PLAGL1: variants seen among roughly 807,000 people sequenced by gnomAD.
PLAGL1 encodes the protein PLAG1 like zinc finger 1, also known as zinc finger protein PLAGL1.
PLAGL1 carries 1 observed loss-of-function variant against 4.6 expected under a neutral mutation model. That is an observed-to-expected ratio of 0.22 (90% CI 0.08 to 1.03). PLAGL1 has a LOEUF of 1.03. Among genes scored for constraint, PLAGL1 ranks in the 50% least tolerant of loss-of-function variants. The pLI is 0.58. For synonymous variants in PLAGL1, 240 were observed against 237.8 expected (o/e 1.01, Z -0.08); for missense variants, 464 against 570.4 (o/e 0.81, Z 1.90).
intron 1 of PLAGL1, among the ~76,000 whole-genome samples, chr6:144,019,592 T>C (rs185086154): frequency 2.1e-3 from 318 of 152,262 alleles, no homozygotes; most frequent in Non-Finnish European, 2.0e-3. Context: ...CCTGTGGTTA[T>C]GTAGGAGAAT....
At chr6:144,031,414 A>G (rs1425854322) in intron 1 of PLAGL1, among the ~76,000 whole-genome samples, 1 of 152,154 alleles carries the variant, frequency 6.6e-6, no homozygotes, top group Non-Finnish European at 1.5e-5. Context: ...TTGGTCATGA[A>G]GTCTTTGTCT....
At position 144,053,268 on chromosome 6, in the gene PLAGL1, GGGA is replaced by G. The variant is rs1798711527; in HGVS notation, c.-151+11197_-151+11199del. Reference sequence around the variant, plus strand: ...TCCTGCCTCAGTCTCCTGAGTACCTGGGATTACAGGCATGCACCATCATGCCGA... The same window carrying G: ...TCCTGCCTCAGTCTCCTGAGTACCTGTTACAGGCATGCACCATCATGCCGA... On this transcript the variant is annotated intron_variant, in intron 1 of 3. Transcript: ENST00000437412. The surrounding 1 kb of genome is among the most constrained non-coding windows in gnomAD (Gnocchi z 4.0). 6.6e-6 allele frequency among the ~76,000 whole-genome samples: 1 copy of G among 152,144 alleles called. No individual in the cohort carries two copies. Among genetic ancestry groups the G allele is most frequent in the Non-Finnish European group, 1.5e-5 (1 of 68,026 alleles).
chr6:143,988,538 C>T (rs576102071), intron 1 of PLAGL1, among the ~76,000 whole-genome samples: 14 of 152,250 alleles, frequency 9.2e-5, no homozygotes, highest in South Asian at 6.2e-4. Flanking sequence ...CATTTATCTG[C>T]CAGGAAGATG....
At chr6:144,054,576 C>T (rs1948483902) in intron 1 of PLAGL1, among the ~76,000 whole-genome samples, 1 of 152,102 alleles carries the variant, frequency 6.6e-6, no homozygotes, top group African/African-American at 2.4e-5. Context: ...GAGAGGGCAA[C>T]AACACACACT....
intron 1 of PLAGL1, among the ~76,000 whole-genome samples, chr6:144,001,740 A>G (rs1347086149): frequency 6.6e-6 from 1 of 152,190 alleles, no homozygotes; most frequent in Non-Finnish European, 1.5e-5. Context: ...TGTGGCTATC[A>G]TATGCTGCCA....
Position 143,952,945 on chromosome 6 carries a change from C to T in PLAGL1, c.-324-4485G>A, listed in dbSNP as rs547374595. On this transcript the variant is annotated intron_variant, in intron 6 of 7. Coordinates refer to ENST00000674357, the MANE Select transcript of PLAGL1 (RefSeq NM_001317162.2). This position sits in a 1 kb window ranked among gnomAD's most constrained non-coding sequence, Gnocchi z 6.1. ...ATGTCATCAGGAGAAAGATGATATC[C>T]AGAACCTCCAGGTAGTCATGGCTGC... Among the ~76,000 whole-genome samples the T allele has an allele frequency of 4.4e-4, 67 of 152,300 alleles. No individual in the cohort carries two copies. The highest frequency in any genetic ancestry group is 3.4e-3 in the Middle Eastern group (1 of 294).
chr6:143,958,072 G>A lies in PLAGL1; in HGVS notation c.-325+2397C>T, dbSNP rs1782548988. 6.6e-6 allele frequency among the ~76,000 whole-genome samples: 1 copy of A among 152,196 alleles called. No homozygotes were observed. The highest frequency in any genetic ancestry group is 2.4e-5 in the African/African-American group (1 of 41,454). On this transcript the variant is annotated intron_variant, in intron 6 of 7. Coordinates refer to ENST00000674357, the MANE Select transcript of PLAGL1 (RefSeq NM_001317162.2). This position sits in a 1 kb window ranked among gnomAD's most constrained non-coding sequence, Gnocchi z 5.1. ...GTGGAACACGTGGTGCAGCCTGGCT[G>A]GGATGGGCAGGAGAGGGGCCTGTGT...
At position 143,942,751 on chromosome 6, in the gene PLAGL1, T is replaced by A. The variant is rs1457991125; in HGVS notation, c.153-88A>T. 4 of 919,988 alleles carry A rather than the reference T, an allele frequency of 4.3e-6. No homozygotes were observed. The allele number at this position is 919,988 out of a possible 1,614,324, so 57.0% of individuals were successfully genotyped here. A position where few individuals can be genotyped will look rare whatever the true frequency, so the allele number is the denominator to read the frequency against. ...CAACAATATTATATCAAAATGTTAA[T>A]AGTTTTCTCTGGGTCTTGGTATAAT... On this transcript the variant is annotated intron_variant, in intron 7 of 7. Transcript: ENST00000674357. The surrounding 1 kb of genome is among the most constrained non-coding windows in gnomAD (Gnocchi z 7.6).
chr6:144,059,071 C>A lies in PLAGL1; in HGVS notation c.-151+5397G>T, dbSNP rs1317303115. ...TAGAGTTTCTCTTCAGGGTCTCCAC[C>A]CCTACAGCAGGCTTCTGCCTGTACA... is the stretch of plus-strand genomic sequence containing the variant. On this transcript the variant is annotated intron_variant, in intron 1 of 3. Coordinates refer to the PLAGL1 transcript ENST00000437412. This position sits in a 1 kb window ranked among gnomAD's most constrained non-coding sequence, Gnocchi z 4.9. Among the ~76,000 whole-genome samples the A allele has an allele frequency of 6.6e-6, 1 of 152,152 alleles. No homozygotes were observed. The highest frequency in any genetic ancestry group is 1.5e-5 in the Non-Finnish European group (1 of 68,006).
In PLAGL1 at chr6:143,990,837, C is replaced by A. The variant is rs1256749910; in HGVS notation, c.-583-5663G>T. 1.3e-5 allele frequency among the ~76,000 whole-genome samples: 2 copies of A among 152,188 alleles called. No homozygotes were observed. Among genetic ancestry groups the A allele is most frequent in the Admixed American group, 1.3e-4 (2 of 15,278 alleles). ...CGCTGCATTATATATCAGACACATT[C>A]CTTAGAATATCTCATTGTTTTTCAT... is the stretch of plus-strand genomic sequence containing the variant. On this transcript the variant is annotated intron_variant, in intron 1 of 7. Coordinates refer to ENST00000674357, the MANE Select transcript of PLAGL1 (RefSeq NM_001317162.2). This position sits in a 1 kb window ranked among gnomAD's most constrained non-coding sequence, Gnocchi z 5.4.
chr6:144,008,996 G>T (rs1794914872), upstream of PLAGL1, among the ~76,000 whole-genome samples: 1 of 152,160 alleles, frequency 6.6e-6, no homozygotes. The surrounding 1 kb of genome is among the most constrained non-coding windows in gnomAD (Gnocchi z 6.9). Flanking sequence ...AAACTGAAGG[G>T]AATCTCTATT....
intron 1 of PLAGL1, among the ~76,000 whole-genome samples, chr6:143,993,983 T>G (rs1428232045): frequency 6.6e-6 from 1 of 151,970 alleles, no homozygotes; most frequent in Non-Finnish European, 1.5e-5. Flanking sequence ...ATAGAAAGGT[T>G]TGCTCAGTTC....
At position 144,056,592 on chromosome 6, in the gene PLAGL1, T is replaced by C. The variant is rs577629173; in HGVS notation, c.-151+7876A>G. Among the ~76,000 whole-genome samples, 2 of 152,220 alleles carry C rather than the reference T, an allele frequency of 1.3e-5. No individual in the cohort carries two copies. Among genetic ancestry groups the C allele is most frequent in the South Asian group, 2.1e-4 (1 of 4,838 alleles). ...CATACAGTAGGTAGCCCTTTCAGGT[T>C]GGCTTCTTTCACTTAGTAATATGCA... On this transcript the variant is annotated intron_variant, in intron 1 of 3. Coordinates refer to the PLAGL1 transcript ENST00000437412. This position sits in a 1 kb window ranked among gnomAD's most constrained non-coding sequence, Gnocchi z 4.7.
rs1302623706 is a variant in PLAGL1 at position 143,997,571 on chromosome 6, G to C, written c.-584+10519C>G. ...TTAAAATTCAAGAATAGACAAAACAGGGAGGCTCAGGTGGGAGGATCGCTT... is the reference window on the plus strand; with the variant it reads ...TTAAAATTCAAGAATAGACAAAACACGGAGGCTCAGGTGGGAGGATCGCTT... On this transcript the variant is annotated intron_variant, in intron 1 of 7. Transcript: ENST00000674357. The surrounding 1 kb of genome is among the most constrained non-coding windows in gnomAD (Gnocchi z 4.6). Among the ~76,000 whole-genome samples, 1 of 152,202 alleles carries C rather than the reference G, an allele frequency of 6.6e-6. No homozygotes were observed. The highest frequency in any genetic ancestry group is 1.5e-5 in the Non-Finnish European group (1 of 68,044).
At chr6:143,992,073 G>C (rs564832974) in intron 1 of PLAGL1, among the ~76,000 whole-genome samples, 1 of 152,334 alleles carries the variant, frequency 6.6e-6, no homozygotes, top group Admixed American at 6.5e-5. Flanking sequence ...TCGTTGGTTA[G>C]CTTTGAACTT....
intron 2 of PLAGL1, among the ~76,000 whole-genome samples, chr6:143,969,809 A>AT (rs146695526): frequency 8.1e-4 from 119 of 147,538 alleles, no homozygotes; most frequent in East Asian, 1.2e-3. Flanking sequence ...CTTAACTTCA[A>AT]TTTTTTTTTT....
upstream of PLAGL1, among the ~76,000 whole-genome samples, chr6:144,009,228 C>A (rs1400289589): frequency 2.0e-5 from 3 of 152,220 alleles, no homozygotes; most frequent in South Asian, 2.1e-4. Flanking sequence ...GCAATGAGAA[C>A]ATTTGCAATT....
At chr6:144,038,632 G>T (rs1797465277) in intron 1 of PLAGL1, among the ~76,000 whole-genome samples, 1 of 152,052 alleles carries the variant, frequency 6.6e-6, no homozygotes, top group African/African-American at 2.4e-5. Flanking sequence ...TCCAAACAAA[G>T]AAATATATTT....
rs1354749130 is a variant in PLAGL1, at chr6:144,059,058, T to A, written c.-151+5410A>T. Among the ~76,000 whole-genome samples the A allele has an allele frequency of 6.6e-6, 1 of 152,220 alleles. No homozygotes were observed. Among genetic ancestry groups the A allele is most frequent in the Non-Finnish European group, 1.5e-5 (1 of 68,040 alleles). On this transcript the variant is annotated intron_variant, in intron 1 of 3. Transcript: ENST00000437412. The surrounding 1 kb of genome is among the most constrained non-coding windows in gnomAD (Gnocchi z 4.9). ...TACATTGCCCTACTAGAGTTTCTCT[T>A]CAGGGTCTCCACCCCTACAGCAGGC...
Sources: gnomAD v4.1 joint callset for allele counts (sites outside exome capture counted in the v4.1 genomes callset) on GRCh38, gnomAD v4.1.1 for gene constraint, Gnocchi (gnomAD v3.1) non-coding constraint, MANE v1.5 for transcripts, NCBI Gene and HGNC (gene_info 2026-07-23, HGNC 2026-07-21) for gene names.